Variants in ADGRG7 observed in about 807,000 individuals in gnomAD.
The protein encoded by ADGRG7 is G-protein coupled receptor 128.
In ADGRG7, 82 loss-of-function variants were observed where a neutral mutation model predicts 88.6. The ratio of observed to expected loss-of-function variants is 0.93; its 90% CI spans 0.77 to 1.11. ADGRG7 has a LOEUF of 1.11. Among genes scored for constraint, ADGRG7 ranks in the 50% most tolerant of loss-of-function variants. The pLI, the probability that ADGRG7 is intolerant of heterozygous loss-of-function variation, is 0.00. For synonymous variants in ADGRG7, 381 were observed against 345.2 expected (o/e 1.10, Z -1.15); for missense variants, 945 against 953.4 (o/e 0.99, Z 0.12).
intron 15 of ADGRG7, among the ~76,000 whole-genome samples, chr3:100,677,660 C>T (rs1171862922): frequency 1.3e-5 from 2 of 152,082 alleles, no homozygotes; most frequent in Non-Finnish European, 2.9e-5. Flanking sequence ...ATCTCTATTT[C>T]TCCTTCATGT....
chr3:100,646,355 C>T (rs1707746550), intron 9 of ADGRG7, among the ~76,000 whole-genome samples: 1 of 152,038 alleles, frequency 6.6e-6, no homozygotes, highest in Non-Finnish European at 1.5e-5. Flanking sequence ...TTTGAATATC[C>T]CTCCCAACCA....
At chr3:100,656,239 T>C (rs975499707) in intron 13 of ADGRG7, among the ~76,000 whole-genome samples, 4 of 152,208 alleles carry the variant, frequency 2.6e-5, no homozygotes, top group African/African-American at 9.6e-5. Flanking sequence ...TTTCTTATGT[T>C]AAATTTGTCT....
chr3:100,643,620 T>G lies in ADGRG7; in HGVS notation c.933T>G (p.Leu311=). 1 of 1,611,660 alleles carries G rather than the reference T, an allele frequency of 6.2e-7. No homozygotes were observed. ...PDAQTELQVL[L]NMTKNYTKTC... The stretch of plus-strand genomic sequence containing the variant: ...CACAGACTGAGCTTCAGGTCTTGCT[T>G]AATATGACGAAAAGTAAGTCTCAAA... Residue 311 remains leucine, a synonymous_variant, in exon 8 of 16, where the codon CTT becomes CTG. Coordinates refer to ENST00000273352, the MANE Select transcript of ADGRG7 (RefSeq NM_032787.3).
intron 6 of ADGRG7, among the ~76,000 whole-genome samples, chr3:100,638,088 A>G (rs529304530): frequency 1.3e-5 from 2 of 152,338 alleles, no homozygotes; most frequent in South Asian, 4.1e-4. Context: ...CCATCCATGG[A>G]CAACATTGCA....
intron 11 of ADGRG7, among the ~76,000 whole-genome samples, chr3:100,652,168 T>G (rs913349382): frequency 1.8e-4 from 28 of 152,132 alleles, no homozygotes; most frequent in African/African-American, 6.8e-4. Flanking sequence ...TTTGCAGTTC[T>G]GGTCATTAAA....
chr3:100,690,522 A>C (rs886945764), intron 15 of ADGRG7, among the ~76,000 whole-genome samples: 1 of 151,910 alleles, frequency 6.6e-6, no homozygotes, highest in African/African-American at 2.4e-5. Flanking sequence ...GTCTTTGGTG[A>C]TGGTGACATA....
chr3:100,652,876 C>T (rs577624971), intron 11 of ADGRG7, among the ~76,000 whole-genome samples: 1 of 151,930 alleles, frequency 6.6e-6, no homozygotes, highest in East Asian at 1.9e-4. Flanking sequence ...AACAGCTGCT[C>T]TTTTAGAGCA....
intron 15 of ADGRG7, among the ~76,000 whole-genome samples, chr3:100,694,521 T>A (rs568369213): frequency 2.6e-4 from 40 of 152,348 alleles, no homozygotes; most frequent in South Asian, 2.1e-3. Flanking sequence ...AACTCGGGTC[T>A]TCTATATCTG....
chr3:100,666,159 C>T (rs2094951472), intron 14 of ADGRG7, among the ~76,000 whole-genome samples: 1 of 151,894 alleles, frequency 6.6e-6, no homozygotes, highest in Admixed American at 6.6e-5. Context: ...TGGGTTGCCC[C>T]TCCACACCTG....
chr3:100,689,116 C>T (rs1296511471), intron 15 of ADGRG7, among the ~76,000 whole-genome samples: 4 of 152,140 alleles, frequency 2.6e-5, no homozygotes, highest in Non-Finnish European at 5.9e-5. Context: ...GAATTGATCC[C>T]TTTACCATTA....
chr3:100,650,670 T>C (rs2094927786), intron 11 of ADGRG7, among the ~76,000 whole-genome samples: 1 of 152,200 alleles, frequency 6.6e-6, no homozygotes, highest in African/African-American at 2.4e-5. Context: ...TTGTTGGCTG[T>C]AAGTTTGATT....
intron 13 of ADGRG7, among the ~76,000 whole-genome samples, chr3:100,659,152 G>C (rs766997662): frequency 1.3e-5 from 2 of 152,090 alleles, no homozygotes; most frequent in East Asian, 1.9e-4. Flanking sequence ...GCCCATCAAG[G>C]CTGGGTGCAG....
chr3:100,635,625 G>A, intron 4 of ADGRG7, 52 bp from the exon 5 acceptor site: 3 of 1,588,984 alleles, frequency 1.9e-6, no homozygotes, highest in Non-Finnish European at 1.7e-6. Context: ...CTTACAAAGT[G>A]TTTGGACATA....
At chr3:100,694,434 C>T (rs1472925510) in intron 15 of ADGRG7, among the ~76,000 whole-genome samples, 3 of 152,132 alleles carry the variant, frequency 2.0e-5, no homozygotes, top group East Asian at 1.9e-4. Context: ...TAATCTTCTT[C>T]CTTCAGGAAG....
intron 15 of ADGRG7, among the ~76,000 whole-genome samples, chr3:100,686,188 T>G (rs1396100737): frequency 6.6e-6 from 1 of 152,066 alleles, no homozygotes; most frequent in Non-Finnish European, 1.5e-5. Flanking sequence ...GAGAAGTGTC[T>G]GTTCATATCC....
At chr3:100,656,876 G>A (rs1411611242) in intron 13 of ADGRG7, among the ~76,000 whole-genome samples, 2 of 152,080 alleles carry the variant, frequency 1.3e-5, no homozygotes, top group East Asian at 1.9e-4. Flanking sequence ...CAGATACTAC[G>A]TTTGATTATG....
intron 1 of ADGRG7, among the ~76,000 whole-genome samples, chr3:100,617,360 T>A (rs985976759): frequency 6.7e-6 from 1 of 149,904 alleles, no homozygotes; most frequent in Non-Finnish European, 1.5e-5. Flanking sequence ...CCTAATGCTA[T>A]CCCTTCCCCT....
intron 15 of ADGRG7, among the ~76,000 whole-genome samples, chr3:100,678,113 AT>A (rs138841692): frequency 0.026 from 3,954 of 151,772 alleles, 183 homozygotes; most frequent in African/African-American, 0.091. Flanking sequence ...ATTAATTTTT[AT>A]TCTTTTTTCT....
chr3:100,631,360 A>G (rs1056642493), intron 3 of ADGRG7, among the ~76,000 whole-genome samples: 7 of 152,074 alleles, frequency 4.6e-5, no homozygotes, highest in Admixed American at 2.6e-4. Flanking sequence ...AGTATTTTCT[A>G]TTTCTAATAT....
Sources: gnomAD v4.1 joint callset for allele counts (sites outside exome capture counted in the v4.1 genomes callset) on GRCh38, gnomAD v4.1.1 for gene constraint, MANE v1.5 for transcripts, NCBI Gene and HGNC (gene_info 2026-07-23, HGNC 2026-07-21) for gene names.